The following ZC3H12C variants were observed in gnomAD, a reference collection of about 807,000 sequenced individuals.
ZC3H12C encodes probable ribonuclease ZC3H12C.
In ZC3H12C, 20 loss-of-function variants were observed where a neutral mutation model predicts 76.3. That is an observed-to-expected ratio of 0.26 (90% CI 0.18 to 0.38). The LOEUF is 0.38. Among genes scored for constraint, ZC3H12C ranks in the 10% least tolerant of loss-of-function variants. The pLI is 1.00. For synonymous variants in ZC3H12C, 352 were observed against 399.6 expected (o/e 0.88, Z 1.42); for missense variants, 874 against 1,086.5 (o/e 0.80, Z 2.75).
rs959250452 is a variant in ZC3H12C, at chr11:110,165,951, T to C, written c.*214T>C. 2.1e-5 allele frequency: 11 copies of C among 529,394 alleles called. No homozygotes were observed. The highest frequency in any genetic ancestry group is 1.6e-5 in the Non-Finnish European group (5 of 309,656). The allele number at this position is 529,394 out of a possible 1,614,324, so 32.8% of individuals were successfully genotyped here. A position where few individuals can be genotyped will look rare whatever the true frequency, so the allele number is the denominator to read the frequency against. On this transcript the variant is annotated 3_prime_UTR_variant, in exon 6 of 6. Coordinates refer to ENST00000278590, the MANE Select transcript of ZC3H12C (RefSeq NM_033390.2). ...ACATTTAAACTTTTTTTTTTTAACA[T>C]TTCCTTTTTAAAGCTATATCCTTGG...
intron 1 of ZC3H12C, among the ~76,000 whole-genome samples, chr11:110,117,447 G>A (rs1591464476): frequency 6.6e-6 from 1 of 151,656 alleles, no homozygotes; most frequent in Non-Finnish European, 1.5e-5. Context: ...ATGTAGTGTG[G>A]TATGTATATG....
chr11:110,148,870 A>G (rs185880188), intron 2 of ZC3H12C, among the ~76,000 whole-genome samples: 51 of 152,326 alleles, frequency 3.3e-4, no homozygotes, highest in Admixed American at 2.2e-3. Flanking sequence ...CAGTAGCTAC[A>G]TGGCACTTAC....
chr11:110,126,890 T>C (rs1388302050), intron 1 of ZC3H12C, among the ~76,000 whole-genome samples: 12 of 151,642 alleles, frequency 7.9e-5, no homozygotes, highest in Admixed American at 7.9e-4. Context: ...CTTTATTTTA[T>C]ATAAAGTTAT....
Position 110,137,170 on chromosome 11 carries a change from G to C in ZC3H12C, c.529G>C (p.Glu177Gln). The C allele has an allele frequency of 3.7e-6, 6 of 1,613,818 alleles. No homozygotes were observed. Among genetic ancestry groups the C allele is most frequent in the Non-Finnish European group, 5.1e-6 (6 of 1,179,844 alleles). Residue 177 changes from glutamate to glutamine, a missense_variant, in exon 2 of 6, where the codon GAA becomes CAA. Coordinates refer to ENST00000278590, the MANE Select transcript of ZC3H12C (RefSeq NM_033390.2). ...TGCACTTAAGTTAGGTTATTCTGAA[G>C]AACAGGTTCAGCTTGTACTAAACAA... Reference protein sequence around the residue: ...EFALKLGYSEEQVQLVLNKLG... With the variant: ...EFALKLGYSEQQVQLVLNKLG...
chr11:110,131,889 G>A (rs984840385), intron 1 of ZC3H12C, among the ~76,000 whole-genome samples: 7 of 152,144 alleles, frequency 4.6e-5, no homozygotes, highest in Non-Finnish European at 8.8e-5. Flanking sequence ...AGATGGGCAG[G>A]CCACCAGTTG....
rs61756698 is a variant in ZC3H12C at position 110,165,653 on chromosome 11, T to A, written c.2568T>A (p.Ile856=). 3.8e-6 allele frequency: 6 copies of A among 1,598,894 alleles called. No homozygotes were observed. In the South Asian group the frequency reaches 6.8e-5, roughly 18 times the overall value. ...CNIFPPDLVR[I]VMKRNPHMTD... ...TCTTCCCCCCTGACCTTGTGAGAAT[T>A]GTCATGAAAAGGAATCCTCACATGA... Residue 856 remains isoleucine (I), a synonymous_variant, in exon 6 of 6, where the codon ATT becomes ATA. Coordinates refer to ENST00000278590, the MANE Select transcript of ZC3H12C (RefSeq NM_033390.2).
At chr11:110,117,669 T>C (rs928524106) in intron 1 of ZC3H12C, among the ~76,000 whole-genome samples, 3 of 143,590 alleles carry the variant, frequency 2.1e-5, no homozygotes, top group East Asian at 2.0e-4. Context: ...CACACACATA[T>C]ATATATATTA....
chr11:110,165,317 G>T lies in ZC3H12C; in HGVS notation c.2232G>T (p.Val744=). 1 of 1,613,944 alleles carries T rather than the reference G, an allele frequency of 6.2e-7. No individual in the cohort carries two copies. The highest frequency in any genetic ancestry group is 8.5e-7 in the Non-Finnish European group (1 of 1,179,886). Residue 744 remains valine, a synonymous_variant, in exon 6 of 6, where the codon GTG becomes GTT. Transcript: ENST00000278590. ...CACCACACCTAGGGAGGTCCTTGGT[G>T]GCCACGAGAATAGACAGCATCTCTG... ...SKAPHLGRSL[V]ATRIDSISDS...
intron 2 of ZC3H12C, among the ~76,000 whole-genome samples, chr11:110,137,758 G>A (rs1232303918): frequency 6.6e-6 from 1 of 152,076 alleles, no homozygotes; most frequent in Non-Finnish European, 1.5e-5. Context: ...AACAATTTTA[G>A]AATCTAGTCA....
intron 2 of ZC3H12C, among the ~76,000 whole-genome samples, chr11:110,139,674 C>T (rs1862033620): frequency 6.6e-6 from 1 of 151,912 alleles, no homozygotes; most frequent in Non-Finnish European, 1.5e-5. Context: ...ATATTAAGAC[C>T]AAAAGCCATA....
intron 2 of ZC3H12C, among the ~76,000 whole-genome samples, chr11:110,151,002 G>A (rs536712734): frequency 5.1e-4 from 78 of 152,132 alleles, no homozygotes; most frequent in African/African-American, 1.8e-3. Flanking sequence ...AACACATGGA[G>A]GATTATATTT....
intron 1 of ZC3H12C, among the ~76,000 whole-genome samples, chr11:110,096,743 G>A (rs1031647209): frequency 3.9e-5 from 6 of 152,236 alleles, no homozygotes; most frequent in African/African-American, 1.4e-4. Flanking sequence ...TAGTGAGTAT[G>A]TAAGACGAGA....
rs983452891 is a variant in ZC3H12C, at chr11:110,140,397, A to C, written c.773+2983A>C. On this transcript the variant is annotated intron_variant, in intron 2 of 5. Transcript: ENST00000278590. ...TGTTTGAGTTCTTCAATATTCTTCC[A>C]TGACCTAGTCATCTGACTTCATTAA... Among the ~76,000 whole-genome samples the C allele has an allele frequency of 5.3e-5, 8 of 152,336 alleles. No individual in the cohort carries two copies. In the East Asian group the frequency reaches 1.5e-3, roughly 29 times the overall value.
At chr11:110,113,528 A>G (rs567931258) in intron 1 of ZC3H12C, among the ~76,000 whole-genome samples, 2 of 152,344 alleles carry the variant, frequency 1.3e-5, no homozygotes, top group South Asian at 2.1e-4. Flanking sequence ...TTGCAATTCA[A>G]TCCTATGTTT....
rs567304322 is a variant in ZC3H12C, at chr11:110,132,808, T to C, written c.22-3855T>C. Among the ~76,000 whole-genome samples, 12 of 152,318 alleles carry C rather than the reference T, an allele frequency of 7.9e-5. No individual in the cohort carries two copies. The South Asian group carries it at 2.5e-3, about 32-fold the overall frequency. On this transcript the variant is annotated intron_variant, in intron 1 of 5. Coordinates refer to ENST00000278590, the MANE Select transcript of ZC3H12C (RefSeq NM_033390.2). The stretch of plus-strand genomic sequence containing the variant: ...TTTCATTGATTAATTTAAGATGGTT[T>C]ATATGAGTTTACGTTTTAGTAAATG...
chr11:110,164,259 A>G lies in ZC3H12C; in HGVS notation c.1256-82A>G. Reference sequence around the variant, plus strand: ...TCCCATTTCTATCGTTGTCTCTTCTACAAGTTAAAATCATAGGGCCAAACT... The same window carrying G: ...TCCCATTTCTATCGTTGTCTCTTCTGCAAGTTAAAATCATAGGGCCAAACT... On this transcript the variant is annotated intron_variant, in intron 5 of 5. Coordinates refer to ENST00000278590, the MANE Select transcript of ZC3H12C (RefSeq NM_033390.2). The surrounding 1 kb of genome is among the most constrained non-coding windows in gnomAD (Gnocchi z 5.7). 1.6e-6 allele frequency: 2 copies of G among 1,277,014 alleles called. No individual in the cohort carries two copies. Among genetic ancestry groups the G allele is most frequent in the South Asian group, 1.5e-5 (1 of 65,010 alleles). The allele number at this position is 1,277,014 out of a possible 1,614,324, so 79.1% of individuals were successfully genotyped here. A position where few individuals can be genotyped will look rare whatever the true frequency, so the allele number is the denominator to read the frequency against.
chr11:110,119,624 A>G (rs1861618100), intron 1 of ZC3H12C, among the ~76,000 whole-genome samples: 1 of 152,092 alleles, frequency 6.6e-6, no homozygotes, highest in Non-Finnish European at 1.5e-5. Context: ...TCCTGCTGCT[A>G]TCACCAAATA....
intron 3 of ZC3H12C, among the ~76,000 whole-genome samples, chr11:110,158,503 CA>C (rs923746122): frequency 4.0e-5 from 6 of 151,074 alleles, no homozygotes; most frequent in Admixed American, 2.6e-4. Context: ...GACCAAGACT[CA>C]GTCACAGAAA....
At chr11:110,117,704 TTATATATATACACACACACA>T (rs202200392) in intron 1 of ZC3H12C, among the ~76,000 whole-genome samples, 91,847 of 131,932 alleles carry the variant, frequency 0.7, 32,607 homozygotes, top group East Asian at 0.89. Flanking sequence ...CACATATATA[TTATATATATACACACACACA>T]TATATATATA....
Sources: allele counts gnomAD v4.1 joint callset (sites outside exome capture counted in the v4.1 genomes callset), GRCh38; gene constraint gnomAD v4.1.1; non-coding constraint Gnocchi (gnomAD v3.1); transcripts MANE v1.5; gene names NCBI Gene and HGNC (gene_info 2026-07-23, HGNC 2026-07-21).